Variants in SDK1 observed in about 807,000 individuals in gnomAD.
SDK1 encodes sidekick cell adhesion molecule 1, also known as protein sidekick-1.
Under a neutral mutation model 245.5 loss-of-function variants are expected in SDK1, and 157 were observed. The ratio of observed to expected loss-of-function variants is 0.64; its 90% CI spans 0.56 to 0.73. The LOEUF is 0.73. SDK1 is among the 30% of genes least tolerant of loss of function. SDK1 has a pLI of 0.00. For synonymous variants in SDK1, 1,647 were observed against 1,278.5 expected (o/e 1.29, Z -6.15); for missense variants, 3,583 against 3,002.3 (o/e 1.19, Z -4.52).
rs1784709661 is a variant in SDK1, at chr7:4,130,200, C to T, written c.4129+103C>T. ...TGTCGCTTTTAACTTAATTTTCAAA[C>T]CACTTTCTTTTGCAGTTGAGGGAAA... On this transcript the variant is annotated intron_variant, in intron 27 of 44. Coordinates refer to ENST00000404826, the MANE Select transcript of SDK1 (RefSeq NM_152744.4). 6.9e-6 allele frequency: 9 copies of T among 1,299,000 alleles called. 1 individual carries two copies. The South Asian group carries it at 1.2e-4, about 17-fold the overall frequency. The allele number at this position is 1,299,000 out of a possible 1,614,324, so 80.5% of individuals were successfully genotyped here.
At chr7:3,779,295 C>T (rs1220788757) in intron 4 of SDK1, among the ~76,000 whole-genome samples, 1 of 152,112 alleles carries the variant, frequency 6.6e-6, no homozygotes, top group Non-Finnish European at 1.5e-5. Flanking sequence ...TTAAAAATGG[C>T]CTGCAATAAA....
chr7:3,707,105 G>A (rs761183269), intron 4 of SDK1, among the ~76,000 whole-genome samples: 5 of 152,054 alleles, frequency 3.3e-5, no homozygotes, highest in Non-Finnish European at 7.4e-5. Flanking sequence ...TTTGGGTTTA[G>A]TTTGTTCTTG....
intron 4 of SDK1, among the ~76,000 whole-genome samples, chr7:3,786,116 T>TTGTTC (rs2115017567): frequency 6.6e-6 from 1 of 152,254 alleles, no homozygotes; most frequent in Admixed American, 6.5e-5. Flanking sequence ...TCCTCCTTGT[T>TTGTTC]TGTTCTCTTT....
intron 4 of SDK1, among the ~76,000 whole-genome samples, chr7:3,673,874 T>C (rs1305459134): frequency 6.6e-6 from 1 of 152,222 alleles, no homozygotes; most frequent in East Asian, 1.9e-4. Context: ...ATTGAGATTA[T>C]TATTGATGAA....
chr7:4,152,141 T>C (rs1780424948), intron 30 of SDK1, among the ~76,000 whole-genome samples: 1 of 152,220 alleles, frequency 6.6e-6, no homozygotes, highest in Admixed American at 6.5e-5. Flanking sequence ...GTCCAAGGTT[T>C]GCCTCATTGC....
intron 1 of SDK1, among the ~76,000 whole-genome samples, chr7:3,568,154 T>C (rs1205375201): frequency 2.0e-5 from 3 of 152,210 alleles, no homozygotes; most frequent in Non-Finnish European, 4.4e-5. Context: ...CATTAAGAGA[T>C]TTGTTGTTTG....
At chr7:3,356,193 A>G (rs1422337823) in intron 1 of SDK1, among the ~76,000 whole-genome samples, 1 of 152,126 alleles carries the variant, frequency 6.6e-6, no homozygotes, top group Non-Finnish European at 1.5e-5. Context: ...GTTTTGGAAA[A>G]TTGAGACAGT....
At chr7:3,441,848 A>C (rs1583863173) in intron 1 of SDK1, among the ~76,000 whole-genome samples, 1 of 152,316 alleles carries the variant, frequency 6.6e-6, no homozygotes, top group Non-Finnish European at 1.5e-5. Context: ...ACCGATCATA[A>C]ACCAAAAGTG....
chr7:3,725,458 C>CA (rs147923959), intron 4 of SDK1, among the ~76,000 whole-genome samples: 3,177 of 152,034 alleles, frequency 0.021, 116 homozygotes, highest in African/African-American at 0.073. Flanking sequence ...TCATGTTTTT[C>CA]AAAAAAATTC....
At chr7:3,651,016 A>G (rs1479244649) in intron 4 of SDK1, among the ~76,000 whole-genome samples, 3 of 151,994 alleles carry the variant, frequency 2.0e-5, no homozygotes, top group Non-Finnish European at 4.4e-5. Context: ...AAGTTGCTAT[A>G]AACATTCTTG....
At chr7:3,885,873 C>T (rs1486591890) in intron 5 of SDK1, among the ~76,000 whole-genome samples, 1 of 152,134 alleles carries the variant, frequency 6.6e-6, no homozygotes, top group East Asian at 1.9e-4. Context: ...CTGGAGATGC[C>T]GGAGAAAAGT....
At chr7:3,551,261 C>T (rs977443219) in intron 1 of SDK1, among the ~76,000 whole-genome samples, 2 of 152,178 alleles carry the variant, frequency 1.3e-5, no homozygotes, top group Admixed American at 6.5e-5. Flanking sequence ...ATTAATGTGT[C>T]AGCACCTCAT....
intron 4 of SDK1, among the ~76,000 whole-genome samples, chr7:3,773,229 T>C (rs1409058281): frequency 1.3e-5 from 2 of 152,194 alleles, no homozygotes; most frequent in African/African-American, 2.4e-5. Context: ...TGTTCACTTT[T>C]CTTCAATCTT....
intron 4 of SDK1, among the ~76,000 whole-genome samples, chr7:3,653,351 G>A (rs897935013): frequency 6.6e-6 from 1 of 152,134 alleles, no homozygotes; most frequent in Non-Finnish European, 1.5e-5. Context: ...GTTGTCACTT[G>A]GGGTATTTGA....
At chr7:3,826,591 T>C (rs1346820548) in intron 5 of SDK1, among the ~76,000 whole-genome samples, 1 of 152,152 alleles carries the variant, frequency 6.6e-6, no homozygotes, top group East Asian at 1.9e-4. Context: ...AGAGTTAGTT[T>C]AGATAAAACG....
intron 44 of SDK1, among the ~76,000 whole-genome samples, chr7:4,253,378 C>T (rs1173433291): frequency 6.6e-6 from 1 of 151,946 alleles, no homozygotes; most frequent in Non-Finnish European, 1.5e-5. Context: ...TGTGTAATTT[C>T]TTCTTTGACA....
chr7:3,428,782 G>A (rs563266404), intron 1 of SDK1, among the ~76,000 whole-genome samples: 69 of 146,192 alleles, frequency 4.7e-4, no homozygotes, highest in African/African-American at 1.7e-3. Context: ...CAGCCTTGGA[G>A]TGATGAAAAG....
chr7:3,970,443 C>T (rs909922552), intron 11 of SDK1, among the ~76,000 whole-genome samples: 1 of 152,198 alleles, frequency 6.6e-6, no homozygotes, highest in South Asian at 2.1e-4. Context: ...ATGACTCTGT[C>T]AGCCACTTCG....
At chr7:3,768,926 T>C (rs536964086) in intron 4 of SDK1, among the ~76,000 whole-genome samples, 1 of 152,314 alleles carries the variant, frequency 6.6e-6, no homozygotes, top group East Asian at 1.9e-4. Flanking sequence ...CATTTTCTTA[T>C]GAATATTCGT....
Sources: gnomAD v4.1 joint callset for allele counts (sites outside exome capture counted in the v4.1 genomes callset) on GRCh38, gnomAD v4.1.1 for gene constraint, MANE v1.5 for transcripts, NCBI Gene and HGNC (gene_info 2026-07-23, HGNC 2026-07-21) for gene names.